Variants in GRB2 observed in about 807,000 individuals in gnomAD.
GRB2 encodes the protein growth factor receptor bound protein 2.
In GRB2, 2 loss-of-function variants were observed where a neutral mutation model predicts 27.4. That is an observed-to-expected ratio of 0.07 (90% confidence interval 0.03 to 0.23). GRB2 has a LOEUF of 0.23. Ranked by LOEUF, GRB2 falls within the 10% of genes least tolerant of loss-of-function variation. The pLI, the probability that GRB2 is intolerant of heterozygous loss-of-function variation, is 1.00. For missense variants in GRB2, 102 were observed against 282.4 expected, an observed-to-expected ratio of 0.36 and a Z score of 4.58; for synonymous variants, 94 against 99.6, an observed-to-expected ratio of 0.94 and a Z score of 0.33.
At chr17:75,333,081 G>T (rs1003955361) in intron 2 of GRB2, among the ~76,000 whole-genome samples, 6 of 146,684 alleles carry the variant, frequency 4.1e-5, no homozygotes, top group South Asian at 2.1e-4. Context: ...AGTATTAGTT[G>T]TTTTTTTTTT....
intron 2 of GRB2, among the ~76,000 whole-genome samples, chr17:75,334,234 G>C (rs997265731): frequency 2.0e-5 from 3 of 151,716 alleles, no homozygotes; most frequent in Non-Finnish European, 2.9e-5. Context: ...GCAGTGGCGC[G>C]ATCTCGGCTC....
In GRB2 at chr17:75,401,626, T is replaced by TA. The variant is rs1331272794; in HGVS notation, c.-138+3862dup. On this transcript the variant is annotated intron_variant, in intron 1 of 5. Coordinates refer to ENST00000316804, the MANE Select transcript of GRB2 (RefSeq NM_002086.5). The stretch of plus-strand genomic sequence containing the variant: ...AAAAAGCTTACTGACGCTCTGGAGT[T>TA]AGACTTGGATTCAAATGTCACTTTC... Among the ~76,000 whole-genome samples, 4 of 152,218 alleles carry TA rather than the reference T, an allele frequency of 2.6e-5. No individual in the cohort carries two copies. In the East Asian group the frequency reaches 5.8e-4, roughly 22 times the overall value.
intron 2 of GRB2, among the ~76,000 whole-genome samples, chr17:75,382,060 T>C (rs1351150892): frequency 6.6e-6 from 1 of 151,936 alleles, no homozygotes; most frequent in African/African-American, 2.4e-5. Context: ...TCGTCTCTAC[T>C]AAAAATATAA....
chr17:75,322,694 T>C (rs560990497), intron 4 of GRB2, among the ~76,000 whole-genome samples: 1 of 152,100 alleles, frequency 6.6e-6, no homozygotes, highest in East Asian at 1.9e-4. Context: ...CACACCCTTT[T>C]ATACTGGCAA....
intron 1 of GRB2, among the ~76,000 whole-genome samples, chr17:75,401,165 G>C (rs2079060927): frequency 6.6e-6 from 1 of 152,028 alleles, no homozygotes; most frequent in Non-Finnish European, 1.5e-5. Context: ...AAAAGGCTAG[G>C]CCGGGCGCAG....
intron 2 of GRB2, among the ~76,000 whole-genome samples, chr17:75,359,522 TA>T (rs1175851476): frequency 1.3e-4 from 14 of 106,526 alleles, no homozygotes; most frequent in Non-Finnish European, 2.2e-4. Context: ...ATAATAATAA[TA>T]AATAATAATA....
chr17:75,399,093 G>A (rs2079047032), intron 1 of GRB2, among the ~76,000 whole-genome samples: 1 of 152,018 alleles, frequency 6.6e-6, no homozygotes, highest in Non-Finnish European at 1.5e-5. Context: ...TATTGCCCAG[G>A]CTGAAGTGCA....
chr17:75,363,859 C>CAAAAAA lies in GRB2; in HGVS notation c.78+29686_78+29691dup, dbSNP rs55746272. ...TGGGCGACAGAGCAAGACTCCGTCT[C>CAAAAAA]AAAAAAAAAAAAAAAAAAAAAAAAA... On this transcript the variant is annotated intron_variant, in intron 2 of 5. Transcript: ENST00000316804. Among the ~76,000 whole-genome samples the CAAAAAA allele has an allele frequency of 9.2e-4, 54 of 58,526 alleles. 2 individuals carry two copies. Among genetic ancestry groups the CAAAAAA allele is most frequent in the East Asian group, 5.7e-3 (11 of 1,922 alleles). 38.4% of individuals were successfully genotyped at this position (58,526 alleles called of 152,430 possible). A position where few individuals can be genotyped will look rare whatever the true frequency, so the allele number is the denominator to read the frequency against.
intron 2 of GRB2, among the ~76,000 whole-genome samples, chr17:75,362,983 G>A (rs1192354645): frequency 6.6e-6 from 1 of 152,176 alleles, no homozygotes; most frequent in East Asian, 1.9e-4. Context: ...GCTTGAGGTG[G>A]GTAATAAAAG....
At chr17:75,341,303 C>T (rs1239793545) in intron 2 of GRB2, among the ~76,000 whole-genome samples, 2 of 151,244 alleles carry the variant, frequency 1.3e-5, no homozygotes, top group Non-Finnish European at 2.9e-5. Context: ...CTTGGTGGTG[C>T]GTGCCTGTAA....
At chr17:75,321,548 T>A in intron 5 of GRB2, 111 bp downstream of exon 5, 1 of 945,038 alleles carries the variant, frequency 1.1e-6, no homozygotes, top group Non-Finnish European at 1.6e-6. Context: ...CCAGCGGCAA[T>A]CCCTGAAGGG....
chr17:75,391,012 T>C (rs1394762114), intron 2 of GRB2, among the ~76,000 whole-genome samples: 1 of 152,236 alleles, frequency 6.6e-6, no homozygotes, highest in Admixed American at 6.5e-5. Context: ...AGTTTACTTC[T>C]TGAAGAATCA....
chr17:75,393,513 A>T (rs765484592), intron 2 of GRB2, 38 bp downstream of exon 2: 25 of 1,515,038 alleles, frequency 1.7e-5, no homozygotes, highest in Non-Finnish European at 2.3e-5. Flanking sequence ...GAGCACAGGG[A>T]GAGCGATCTC....
intron 2 of GRB2, chr17:75,372,950 C>T (rs1353476849): frequency 6.6e-6 from 1 of 152,104 alleles, no homozygotes; most frequent in Non-Finnish European, 1.5e-5. Context: ...GCTAAAAGAA[C>T]AGATATTTGG....
chr17:75,335,429 G>C (rs2078570619), intron 2 of GRB2, among the ~76,000 whole-genome samples: 1 of 152,138 alleles, frequency 6.6e-6, no homozygotes, highest in South Asian at 2.1e-4. Flanking sequence ...TAGCCAATCA[G>C]AAGCTGGATT....
At chr17:75,334,664 G>A (rs2078564521) in intron 2 of GRB2, among the ~76,000 whole-genome samples, 1 of 152,138 alleles carries the variant, frequency 6.6e-6, no homozygotes, top group South Asian at 2.1e-4. Context: ...AACAGGCCAG[G>A]TGTGCTGGCT....
At chr17:75,380,214 A>C (rs1412874634) in intron 2 of GRB2, among the ~76,000 whole-genome samples, 1 of 151,976 alleles carries the variant, frequency 6.6e-6, no homozygotes, top group Non-Finnish European at 1.5e-5. Flanking sequence ...GTGCACAGTG[A>C]TTTTTTCTTT....
intron 1 of GRB2, chr17:75,394,818 A>T (rs2079020233): frequency 6.6e-6 from 1 of 152,248 alleles, no homozygotes; most frequent in South Asian, 2.1e-4. Context: ...TTTGCAGGTA[A>T]AAGATTCTGT....
intron 1 of GRB2, among the ~76,000 whole-genome samples, chr17:75,395,594 T>A (rs1029832494): frequency 2.6e-5 from 4 of 152,190 alleles, no homozygotes; most frequent in African/African-American, 9.7e-5. Flanking sequence ...TCTCTTTGTA[T>A]TTACTTATTT....
Sources: gnomAD v4.1 joint callset for allele counts (sites outside exome capture counted in the v4.1 genomes callset) on GRCh38, gnomAD v4.1.1 for gene constraint, MANE v1.5 for transcripts, NCBI Gene and HGNC (gene_info 2026-07-23, HGNC 2026-07-21) for gene names.